Variants in FRAS1 observed in about 807,000 individuals in gnomAD.
The protein encoded by FRAS1 is extracellular matrix organizing protein FRAS1.
FRAS1 carries 290 observed loss-of-function variants against 435.2 expected under a neutral mutation model. The observed-to-expected ratio is 0.67, with a 90% CI of 0.61 to 0.73. FRAS1 has a LOEUF of 0.73. FRAS1 is among the 30% of genes least tolerant of loss of function. FRAS1 has a pLI of 0.00. For synonymous variants in FRAS1, 1,800 were observed against 1,851.0 expected (o/e 0.97, Z 0.71); for missense variants, 4,860 against 5,001.5 (o/e 0.97, Z 0.85).
rs117371458 is a variant in FRAS1, at chr4:78,255,038, A to G, written c.470-204A>G. 2.6e-4 allele frequency among the ~76,000 whole-genome samples: 40 copies of G among 152,326 alleles called. No individual in the cohort carries two copies. The East Asian group carries it at 7.5e-3, about 29-fold the overall frequency. ...AAGCCAGCAGCAGGTGGGACCACAC[A>G]TGAGCTGAGCCTCAAAACTTCACCT... On this transcript the variant is annotated intron_variant, in intron 5 of 73. Coordinates refer to ENST00000512123, the MANE Select transcript of FRAS1 (RefSeq NM_025074.7).
rs375818799 is a variant in FRAS1 at position 78,274,626 on chromosome 4, G to T, written c.982-4029G>T. Among the ~76,000 whole-genome samples, 28 of 152,136 alleles carry T rather than the reference G, an allele frequency of 1.8e-4. 2 individuals carry two copies. Among genetic ancestry groups the T allele is most frequent in the Non-Finnish European group, 2.5e-4 (17 of 67,966 alleles). On this transcript the variant is annotated intron_variant, in intron 9 of 73. Transcript: ENST00000512123. ...CATTTTCCATGTAGTTGAGCAGTTT[G>T]GAGTGAGTTTCTTAATCCTGAGTTC...
At position 78,481,937 on chromosome 4, in the gene FRAS1, G is replaced by A. The variant is rs776243158; in HGVS notation, c.8577G>A (p.Val2859=). ...GVDYVPSSRK[V]EFGPGVIEQY... ...ACTACGTTCCCAGCTCTCGGAAGGT[G>A]GAATTTGGGCCTGGTGTCATTGAAC... The change falls in exon 57 of 74, where the codon GTG becomes GTA. Residue 2859 remains valine (V), a synonymous_variant. Transcript: ENST00000512123. The A allele has an allele frequency of 6.2e-7, 1 of 1,613,872 alleles. No individual in the cohort carries two copies. The highest frequency in any genetic ancestry group is 8.5e-7 in the Non-Finnish European group (1 of 1,179,824).
At chr4:78,121,262 G>A (rs1164535840) in intron 2 of FRAS1, among the ~76,000 whole-genome samples, 1 of 152,184 alleles carries the variant, frequency 6.6e-6, no homozygotes, top group African/African-American at 2.4e-5. Flanking sequence ...CAATAGCATA[G>A]GCTAAAGTAA....
intron 3 of FRAS1, among the ~76,000 whole-genome samples, chr4:78,240,508 G>GAATACA (rs1724955943): frequency 6.6e-6 from 1 of 152,174 alleles, no homozygotes; most frequent in Admixed American, 6.5e-5. Context: ...CTGATATTGA[G>GAATACA]AATACAGGAG....
At chr4:78,412,315 G>T (rs1020898788) in intron 31 of FRAS1, among the ~76,000 whole-genome samples, 5 of 152,230 alleles carry the variant, frequency 3.3e-5, no homozygotes, top group African/African-American at 9.6e-5. Flanking sequence ...GAGAAAGAAG[G>T]TTTAAGAGGG....
At chr4:78,307,333 C>T (rs1237372303) in intron 14 of FRAS1, among the ~76,000 whole-genome samples, 3 of 152,342 alleles carry the variant, frequency 2.0e-5, no homozygotes, top group South Asian at 4.1e-4. Flanking sequence ...CTGTGCCCTG[C>T]CCCCAGAGGT....
At chr4:78,157,902 A>G (rs554740925) in intron 2 of FRAS1, among the ~76,000 whole-genome samples, 13 of 152,234 alleles carry the variant, frequency 8.5e-5, no homozygotes, top group Admixed American at 3.3e-4. Flanking sequence ...ATGGCCAGTT[A>G]TCCCAGCACC....
At chr4:78,251,879 A>G (rs961759876) in intron 4 of FRAS1, among the ~76,000 whole-genome samples, 4 of 152,044 alleles carry the variant, frequency 2.6e-5, no homozygotes, top group African/African-American at 7.2e-5. Flanking sequence ...CCTGTTGGCT[A>G]TCACACTTTC....
rs532699810 is a variant in FRAS1 at position 78,120,270 on chromosome 4, T to C, written c.108+54254T>C. On this transcript the variant is annotated intron_variant, in intron 2 of 73. Coordinates refer to ENST00000512123, the MANE Select transcript of FRAS1 (RefSeq NM_025074.7). ...CTTGTTTATGTGAGTTCAAATAAAG[T>C]AACTCCTCCAGAATCGTGGCAGCAG... Among the ~76,000 whole-genome samples, 28 of 152,292 alleles carry C rather than the reference T, an allele frequency of 1.8e-4. No homozygotes were observed. In the East Asian group the frequency reaches 5.4e-3, roughly 29 times the overall value.
chr4:78,140,877 A>G (rs1678772380), intron 2 of FRAS1, among the ~76,000 whole-genome samples: 1 of 152,036 alleles, frequency 6.6e-6, no homozygotes, highest in African/African-American at 2.4e-5. Context: ...GGTGATATAA[A>G]CTACTAGCAA....
Position 78,286,481 on chromosome 4 carries a change from C to T in FRAS1, c.1476C>T (p.His492=), listed in dbSNP as rs373093881. 6.4e-5 allele frequency: 104 copies of T among 1,613,560 alleles called. No individual in the cohort carries two copies. The highest frequency in any genetic ancestry group is 2.0e-4 in the East Asian group (9 of 44,892). ...GCCAGCCTCCCCTGCTGATGCGGCA[C>T]GGGCAGTGTGTGCCTACCTGTGGGG... ...SSCQPPLLMR[H]GQCVPTCGDG... Residue 492 remains histidine, a synonymous_variant, in exon 14 of 74, where the codon CAC becomes CAT. Coordinates refer to ENST00000512123, the MANE Select transcript of FRAS1 (RefSeq NM_025074.7).
At chr4:78,086,956 C>T (rs1741214048) in intron 2 of FRAS1, among the ~76,000 whole-genome samples, 1 of 152,242 alleles carries the variant, frequency 6.6e-6, no homozygotes, top group South Asian at 2.1e-4. Flanking sequence ...CAAAGCCTGG[C>T]AGAGACACAA....
intron 57 of FRAS1, 96 bp downstream of exon 57, chr4:78,482,060 G>A (rs2109859671): frequency 4.1e-6 from 5 of 1,227,286 alleles, no homozygotes; most frequent in South Asian, 2.7e-5. Flanking sequence ...CTCCCCTGGC[G>A]ATATTCCTAT....
intron 2 of FRAS1, among the ~76,000 whole-genome samples, chr4:78,190,067 A>C (rs1722464276): frequency 6.6e-6 from 1 of 152,190 alleles, no homozygotes. Flanking sequence ...AGCTAAATAT[A>C]TTAAATTCAG....
In FRAS1 at chr4:78,480,224, C is replaced by G. The variant is rs571868159; in HGVS notation, c.8443+506C>G. Among the ~76,000 whole-genome samples, 4 of 152,274 alleles carry G rather than the reference C, an allele frequency of 2.6e-5. No homozygotes were observed. The East Asian group carries it at 7.7e-4, about 29-fold the overall frequency. ...AACCATGCCCACTTCCCCCCTCCAC[C>G]ACCATTTCCCACCCCCACTACTCTT... On this transcript the variant is annotated intron_variant, in intron 56 of 73. Coordinates refer to ENST00000512123, the MANE Select transcript of FRAS1 (RefSeq NM_025074.7).
At chr4:78,538,352 C>T (rs758134381) in intron 72 of FRAS1, among the ~76,000 whole-genome samples, 53 of 152,062 alleles carry the variant, frequency 3.5e-4, no homozygotes, top group Admixed American at 1.4e-3. Flanking sequence ...GTAAAGGGTC[C>T]TGAGACCAAA....
chr4:78,264,234 C>A (rs1840391), intron 6 of FRAS1, among the ~76,000 whole-genome samples: 44,189 of 152,016 alleles, frequency 0.29, 7,030 homozygotes, highest in East Asian at 0.38. Flanking sequence ...AAAGAAAATT[C>A]TTCTTAGGGC....
chr4:78,519,358 A>G lies in FRAS1; in HGVS notation c.10417A>G (p.Thr3473Ala). The G allele has an allele frequency of 1.3e-6, 2 of 1,581,756 alleles. No individual in the cohort carries two copies. Among genetic ancestry groups the G allele is most frequent in the Non-Finnish European group, 1.7e-6 (2 of 1,168,482 alleles). Residue 3473 changes from threonine (T) to alanine (A), a missense_variant, in exon 67 of 74, where the codon ACA becomes GCA. By Grantham distance (58) the Thr-to-Ala change is moderately conservative. Coordinates refer to ENST00000512123, the MANE Select transcript of FRAS1 (RefSeq NM_025074.7). ...GAGGGACTCTGCCCAGTCCTTCTTG[A>G]CAGTGCACGTGCCTCTATATGTGTC... ...QVRDSAQSFL[T>A]VHVPLYVSYI...
intron 2 of FRAS1, among the ~76,000 whole-genome samples, chr4:78,187,336 T>G (rs180809255): frequency 1.3e-5 from 2 of 152,270 alleles, no homozygotes; most frequent in African/African-American, 4.8e-5. Context: ...CCTGCTTTTC[T>G]AATTGGGCGA....
Sources: gnomAD v4.1 joint callset for allele counts (sites outside exome capture counted in the v4.1 genomes callset) on GRCh38, gnomAD v4.1.1 for gene constraint, MANE v1.5 for transcripts, NCBI Gene and HGNC (gene_info 2026-07-23, HGNC 2026-07-21) for gene names.